The following PSD3 variants were observed in gnomAD, a reference collection of about 807,000 sequenced individuals.
The protein encoded by PSD3 is PH and SEC7 domain-containing protein 3.
A neutral mutation model predicts 105.5 loss-of-function variants in PSD3; 49 were observed. That is an observed-to-expected ratio of 0.46 (90% CI 0.37 to 0.59). The LOEUF is 0.59. Ranked by LOEUF, PSD3 falls within the 20% of genes least tolerant of loss-of-function variation. PSD3 has a pLI of 0.00. For missense variants in PSD3, 1,561 were observed against 1,263.8 expected (o/e 1.24, Z -3.57); for synonymous variants, 557 against 457.8 (o/e 1.22, Z -2.77).
At chr8:18,571,360 G>A (rs879695003) in intron 14 of PSD3, among the ~76,000 whole-genome samples, 13 of 125,404 alleles carry the variant, frequency 1.0e-4, no homozygotes, top group Non-Finnish European at 1.4e-4. Flanking sequence ...CTAGGCCTTC[G>A]TTCCTCTGAT....
chr8:18,677,795 G>C (rs970072256), intron 9 of PSD3, among the ~76,000 whole-genome samples: 13 of 152,190 alleles, frequency 8.5e-5, no homozygotes, highest in African/African-American at 3.1e-4. Flanking sequence ...CAGATCACGA[G>C]GTCAGGAGAT....
intron 14 of PSD3, among the ~76,000 whole-genome samples, chr8:18,561,886 C>A (rs1002767732): frequency 6.6e-6 from 1 of 152,096 alleles, no homozygotes; most frequent in African/African-American, 2.4e-5. Flanking sequence ...CTTGGAGTTA[C>A]AGTCCTTCTC....
At chr8:19,057,766 G>A (rs1346937014) in intron 1 of PSD3, among the ~76,000 whole-genome samples, 1 of 152,026 alleles carries the variant, frequency 6.6e-6, no homozygotes, top group Non-Finnish European at 1.5e-5. Flanking sequence ...TTATTAGAAT[G>A]GCAAAAAAGA....
intron 9 of PSD3, among the ~76,000 whole-genome samples, chr8:18,731,073 T>C (rs946168960): frequency 2.1e-5 from 3 of 139,978 alleles, no homozygotes; most frequent in South Asian, 4.4e-4. Flanking sequence ...CTGGCCAACA[T>C]GGTAAAACCC....
chr8:18,696,524 A>G (rs1801272038), intron 9 of PSD3, among the ~76,000 whole-genome samples: 1 of 152,220 alleles, frequency 6.6e-6, no homozygotes, highest in South Asian at 2.1e-4. Flanking sequence ...AGCTTGTGTT[A>G]AGATACATTC....
At chr8:18,752,852 AAG>A (rs1206928876) in intron 9 of PSD3, among the ~76,000 whole-genome samples, 3 of 150,392 alleles carry the variant, frequency 2.0e-5, no homozygotes, top group Non-Finnish European at 4.4e-5. Context: ...ATGAGGCAAA[AAG>A]AGTAACAATG....
In PSD3 at chr8:18,535,948, T is replaced by G. The variant is rs1187092605; in HGVS notation, c.2939A>C (p.Tyr980Ser). Reference protein sequence around the residue: ...DHYLEFEKTRYEMYVSILKEG... With the variant: ...DHYLEFEKTRSEMYVSILKEG... ...CTTGAGAATGCTGACATACATTTCA[T>G]AGCGGGTTTTCTGAAGGCAAAGCCA... Residue 980 changes from tyrosine (Y) to serine (S), a missense_variant, in exon 16 of 16, where the codon TAT (tyrosine) becomes TCT (serine). By Grantham distance (144) the Tyr-to-Ser change is moderately radical. Coordinates refer to ENST00000327040, the MANE Select transcript of PSD3 (RefSeq NM_015310.4). The G allele has an allele frequency of 6.2e-7, 1 of 1,614,070 alleles. No individual in the cohort carries two copies. The highest frequency in any genetic ancestry group is 1.3e-5 in the African/African-American group (1 of 75,060).
intron 1 of PSD3, among the ~76,000 whole-genome samples, chr8:18,995,952 C>T (rs935092212): frequency 2.6e-5 from 4 of 151,846 alleles, no homozygotes; most frequent in Non-Finnish European, 4.4e-5. Flanking sequence ...AGCCAGCATC[C>T]GTAGCATCAC....
intron 1 of PSD3, among the ~76,000 whole-genome samples, chr8:19,061,784 G>A (rs1413617844): frequency 2.0e-5 from 3 of 149,170 alleles, no homozygotes; most frequent in East Asian, 3.9e-4. Flanking sequence ...CAGCCTGGGC[G>A]ACAGAGTGAG....
chr8:18,665,775 T>C (rs112440088), intron 9 of PSD3, among the ~76,000 whole-genome samples: 2 of 152,302 alleles, frequency 1.3e-5, no homozygotes, highest in African/African-American at 4.8e-5. Flanking sequence ...TGTTTGAGCC[T>C]GGGAGATCAA....
chr8:18,986,701 C>T (rs1360174045), intron 1 of PSD3, among the ~76,000 whole-genome samples: 1 of 152,062 alleles, frequency 6.6e-6, no homozygotes, highest in Non-Finnish European at 1.5e-5. Context: ...TCGCTGAATG[C>T]CCCTAAAGTA....
intron 1 of PSD3, among the ~76,000 whole-genome samples, chr8:18,953,445 T>C (rs1232304436): frequency 2.0e-5 from 3 of 152,138 alleles, no homozygotes; most frequent in East Asian, 1.9e-4. Flanking sequence ...AATCTGTCCA[T>C]CAATATACAA....
At position 18,738,769 on chromosome 8, in the gene PSD3, T is replaced by A. The variant is rs149034353; in HGVS notation, c.2172+26680A>T. Among the ~76,000 whole-genome samples, 146 of 152,010 alleles carry A rather than the reference T, an allele frequency of 9.6e-4. 4 individuals are homozygous for A. In the East Asian group the frequency reaches 0.025, roughly 26 times the overall value. ...TATAGCTTGAACTGACTGATCACTT[T>A]CCAGAAATGCTATTCTTGGATTGCT... On this transcript the variant is annotated intron_variant, in intron 9 of 15. Coordinates refer to ENST00000327040, the MANE Select transcript of PSD3 (RefSeq NM_015310.4).
In PSD3 at chr8:18,949,239, AAAAAAATATATATATAT is replaced by A. The variant is rs1367284204; in HGVS notation, c.22-13114_22-13098del. On this transcript the variant is annotated intron_variant, in intron 1 of 15. Coordinates refer to ENST00000327040, the MANE Select transcript of PSD3 (RefSeq NM_015310.4). ...TCTGTCTCAAAAAAAAAAAAAAAAA[AAAAAAATATATATATAT>A]ATATATATATATATATATATATTTA... Among the ~76,000 whole-genome samples the A allele has an allele frequency of 8.6e-4, 64 of 74,444 alleles. 1 individual carries two copies. The highest frequency in any genetic ancestry group is 3.4e-3 in the African/African-American group (63 of 18,332). 48.8% of individuals were successfully genotyped at this position (74,444 alleles called of 152,430 possible). A position where few individuals can be genotyped will look rare whatever the true frequency, so the allele number is the denominator to read the frequency against.
At chr8:18,564,978 C>G (rs1440187555) in intron 14 of PSD3, among the ~76,000 whole-genome samples, 1 of 152,088 alleles carries the variant, frequency 6.6e-6, no homozygotes, top group African/African-American at 2.4e-5. Context: ...AGAAAAAAGA[C>G]CTAGATATCA....
At chr8:18,835,220 A>T (rs1443527152) in intron 4 of PSD3, among the ~76,000 whole-genome samples, 1 of 152,200 alleles carries the variant, frequency 6.6e-6, no homozygotes, top group Non-Finnish European at 1.5e-5. Flanking sequence ...TAAGAAAAGA[A>T]TCATAAACAT....
chr8:18,804,819 C>T lies in PSD3; in HGVS notation c.1714G>A (p.Glu572Lys), dbSNP rs1811057067. The T allele has an allele frequency of 6.2e-7, 1 of 1,613,900 alleles. No homozygotes were observed. The highest frequency in any genetic ancestry group is 8.5e-7 in the Non-Finnish European group (1 of 1,179,918). Residue 572 changes from glutamate (E) to lysine (K), a missense_variant, in exon 5 of 16, where the codon GAA becomes AAA. By Grantham distance (56) the Glu-to-Lys change is moderately conservative. Coordinates refer to ENST00000327040, the MANE Select transcript of PSD3 (RefSeq NM_015310.4). ...STEILEKETP[E>K]NLSNGTSSNV... ...CTGCTGGTACCATTACTGAGATTTT[C>T]TGGGGTCTCCTTTTCCAAAATTTCA...
rs559923305 is a variant in PSD3, at chr8:18,596,071, G to A, written c.2481+4293C>T. ...ACCAAATATATTGTCCAATCACAAAGAAAGGGAAGTAGAAATTAAAAGCAG... is the reference window on the plus strand; with the variant it reads ...ACCAAATATATTGTCCAATCACAAAAAAAGGGAAGTAGAAATTAAAAGCAG... On this transcript the variant is annotated intron_variant, in intron 12 of 15. Transcript: ENST00000327040. 5.4e-4 allele frequency among the ~76,000 whole-genome samples: 82 copies of A among 151,876 alleles called. 2 individuals carry two copies. Among genetic ancestry groups the A allele is most frequent in the African/African-American group, 1.7e-3 (71 of 41,470 alleles).
At chr8:19,018,138 G>T (rs1430856219), upstream of PSD3, among the ~76,000 whole-genome samples, 1 of 152,058 alleles carries the variant, frequency 6.6e-6, no homozygotes, top group East Asian at 1.9e-4. Context: ...ATTTTCTATG[G>T]GTTGAATAGA....
Sources: gnomAD v4.1 joint callset for allele counts (sites outside exome capture counted in the v4.1 genomes callset) on GRCh38, gnomAD v4.1.1 for gene constraint, MANE v1.5 for transcripts, NCBI Gene and HGNC (gene_info 2026-07-23, HGNC 2026-07-21) for gene names.